FRMPD4: variants seen among roughly 807,000 people sequenced by gnomAD.
FRMPD4 encodes FERM and PDZ domain-containing protein 4.
FRMPD4 carries 22 observed loss-of-function variants against 94.1 expected under a neutral mutation model. The observed-to-expected ratio is 0.23, with a 90% CI of 0.17 to 0.33. The LOEUF (loss-of-function observed/expected upper bound fraction) is 0.33. FRMPD4 is among the 10% of genes least tolerant of loss of function. The pLI is 1.00. For synonymous variants in FRMPD4, 631 were observed against 548.6 expected, an observed-to-expected ratio of 1.15 and a Z score of -2.10; for missense variants, 1,111 against 1,339.9, an observed-to-expected ratio of 0.83 and a Z score of 2.67.
At chrX:11,826,910 C>T (rs1477275362) in intron 1 of FRMPD4, among the ~76,000 whole-genome samples, 6 of 108,824 alleles carry the variant, frequency 5.5e-5, no homozygotes, top group African/African-American at 2.0e-4. Context: ...GAGAGAGGTA[C>T]ATACAAGGCT....
intron 1 of FRMPD4, among the ~76,000 whole-genome samples, chrX:12,245,105 G>C (rs768617613): frequency 3.6e-5 from 4 of 112,536 alleles, no homozygotes; most frequent in Non-Finnish European, 7.5e-5. Context: ...GATGTATAGT[G>C]TGTGGCCCTC....
intron 3 of FRMPD4, among the ~76,000 whole-genome samples, chrX:11,996,278 T>C (rs758625037): frequency 1.0e-3 from 117 of 112,290 alleles, no homozygotes; most frequent in African/African-American, 3.7e-3. Flanking sequence ...TTGAAATATT[T>C]GCTTCTGGAA....
intron 1 of FRMPD4, among the ~76,000 whole-genome samples, chrX:11,852,920 G>A (rs746302542): frequency 8.9e-6 from 1 of 111,882 alleles, no homozygotes; most frequent in South Asian, 3.7e-4. Flanking sequence ...GATATCTACA[G>A]AACTCTGTAC....
At chrX:12,702,468 T>C (rs1221350055) in intron 10 of FRMPD4, among the ~76,000 whole-genome samples, 2 of 112,011 alleles carry the variant, frequency 1.8e-5, no homozygotes, top group African/African-American at 6.5e-5. Flanking sequence ...GTGCTATAGA[T>C]TGTGTGATGG....
At chrX:12,022,969 A>T (rs769176613) in intron 3 of FRMPD4, among the ~76,000 whole-genome samples, 1 of 110,850 alleles carries the variant, frequency 9.0e-6, no homozygotes, top group South Asian at 3.9e-4. Flanking sequence ...TGTCTGCACT[A>T]TGCTATGGAC....
intron 3 of FRMPD4, among the ~76,000 whole-genome samples, chrX:11,971,127 T>G (rs1024374202): frequency 1.8e-5 from 2 of 112,153 alleles, no homozygotes; most frequent in Non-Finnish European, 3.8e-5. Context: ...CTGAAATATG[T>G]GAGTCACTGA....
intron 3 of FRMPD4, among the ~76,000 whole-genome samples, chrX:11,998,247 A>G (rs975123818): frequency 1.8e-5 from 2 of 111,683 alleles, no homozygotes; most frequent in African/African-American, 6.5e-5. Flanking sequence ...CATAACACCT[A>G]CTACATTTTG....
At chrX:12,420,425 A>G (rs2056867589) in intron 1 of FRMPD4, among the ~76,000 whole-genome samples, 1 of 111,286 alleles carries the variant, frequency 9.0e-6, no homozygotes, top group Non-Finnish European at 1.9e-5. Context: ...AGAGCTCATC[A>G]ATTCACTATT....
chrX:11,901,758 T>C (rs953004718), intron 3 of FRMPD4, among the ~76,000 whole-genome samples: 32 of 111,978 alleles, frequency 2.9e-4, no homozygotes, highest in African/African-American at 1.0e-3. Flanking sequence ...ACAGTATCTT[T>C]TTTTTTTCTT....
intron 5 of FRMPD4, among the ~76,000 whole-genome samples, chrX:12,676,234 A>C (rs773108961): frequency 8.9e-6 from 1 of 112,171 alleles, no homozygotes; most frequent in African/African-American, 3.2e-5. Context: ...GGTCTCCCCA[A>C]CTGTCTGATT....
At chrX:12,648,693 C>T (rs985829625) in intron 4 of FRMPD4, among the ~76,000 whole-genome samples, 2 of 112,126 alleles carry the variant, frequency 1.8e-5, no homozygotes, top group African/African-American at 6.5e-5. Context: ...ATGAACACAA[C>T]ATGTATCTTT....
chrX:11,840,663 T>C (rs931511117), intron 1 of FRMPD4, among the ~76,000 whole-genome samples: 1 of 109,993 alleles, frequency 9.1e-6, no homozygotes, highest in African/African-American at 3.3e-5. Context: ...CTAAGTATGA[T>C]GGTAGCTATA....
intron 1 of FRMPD4, among the ~76,000 whole-genome samples, chrX:12,478,817 CTTG>C (rs2057636283): frequency 9.0e-6 from 1 of 111,455 alleles, no homozygotes; most frequent in African/African-American, 3.3e-5. Flanking sequence ...ACCTTGTCTG[CTTG>C]TTTAGATAAT....
chrX:12,537,463 T>C (rs1304559115), intron 2 of FRMPD4, among the ~76,000 whole-genome samples: 1 of 105,211 alleles, frequency 9.5e-6, no homozygotes, highest in African/African-American at 3.5e-5. Context: ...TCCTTTTTTT[T>C]TTTTTTTGAG....
chrX:12,712,218 GA>G (rs59142640), intron 14 of FRMPD4, among the ~76,000 whole-genome samples: 336 of 97,366 alleles, frequency 3.5e-3, no homozygotes, highest in Middle Eastern at 0.011. Context: ...AATTAGCAGT[GA>G]AAAAAAAAAA....
chrX:11,917,729 C>G (rs972817803), intron 3 of FRMPD4, among the ~76,000 whole-genome samples: 3 of 110,239 alleles, frequency 2.7e-5, no homozygotes, highest in African/African-American at 9.9e-5. Context: ...ATTGCAGACT[C>G]CAAAAGGAGG....
intron 1 of FRMPD4, among the ~76,000 whole-genome samples, chrX:11,842,039 T>C (rs1421895913): frequency 1.2e-4 from 13 of 110,285 alleles, no homozygotes; most frequent in East Asian, 5.7e-4. Context: ...CTCAGGTTTG[T>C]CAAAGATCAG....
chrX:12,415,449 TTGATA>T (rs1440813450), intron 1 of FRMPD4, among the ~76,000 whole-genome samples: 1 of 111,830 alleles, frequency 8.9e-6, no homozygotes, highest in African/African-American at 3.3e-5. Flanking sequence ...AGCAATCTGA[TTGATA>T]TATTTGAAAA....
chrX:11,997,385 A>G (rs891003849), intron 3 of FRMPD4, among the ~76,000 whole-genome samples: 4 of 111,795 alleles, frequency 3.6e-5, no homozygotes, highest in Non-Finnish European at 7.5e-5. Context: ...GAAAGTACAA[A>G]TTGTCATATT....
Sources: allele counts gnomAD v4.1 joint callset (sites outside exome capture counted in the v4.1 genomes callset), GRCh38; gene constraint gnomAD v4.1.1; transcripts MANE v1.5; gene names NCBI Gene and HGNC (gene_info 2026-07-23, HGNC 2026-07-21).